PLCD1: variants seen among roughly 807,000 people sequenced by gnomAD.
PLCD1 encodes 1-phosphatidylinositol 4,5-bisphosphate phosphodiesterase delta-1.
PLCD1 carries 71 observed loss-of-function variants against 87.4 expected under a neutral mutation model. The observed-to-expected ratio is 0.81, with a 90% CI of 0.67 to 0.99. PLCD1 has a LOEUF of 0.99. Ranked by LOEUF, PLCD1 falls within the 50% of genes least tolerant of loss-of-function variation. PLCD1 has a pLI of 0.00. For missense variants in PLCD1, 867 were observed against 1,001.5 expected (o/e 0.87, Z 1.81); for synonymous variants, 348 against 399.2 (o/e 0.87, Z 1.53).
chr3:38,022,953 GTGAT>G (rs1315596443), intron 1 of PLCD1, among the ~76,000 whole-genome samples: 13 of 148,038 alleles, frequency 8.8e-5, no homozygotes, highest in Non-Finnish European at 1.8e-4. Flanking sequence ...AGCAAAAACT[GTGAT>G]TACTTTTGCA....
rs781101616 is a variant in PLCD1 at position 38,009,221 on chromosome 3, G to A, written c.1606+51C>T. The A allele has an allele frequency of 1.9e-6, 3 of 1,612,832 alleles. No homozygotes were observed. The South Asian group carries it at 3.3e-5, about 18-fold the overall frequency. On this transcript the variant is annotated intron_variant, in intron 10 of 14. Coordinates refer to ENST00000334661, the MANE Select transcript of PLCD1 (RefSeq NM_006225.4). ...CCTGGTGAGGCCCAAGCCCTGCCCTGCCAATTCTCTCTGTAACAGAGCAGG... is the reference window on the plus strand; with the variant it reads ...CCTGGTGAGGCCCAAGCCCTGCCCTACCAATTCTCTCTGTAACAGAGCAGG...
In PLCD1 at chr3:38,009,164, GGGA is replaced by G; in HGVS notation, c.1607-9_1607-7del. ...GTGGCGGACAAAGCCGTTTCCTGAG[GGGA>G]GGTGTGGTTCGGTCAGCAGTGGAGG... On this transcript the variant is annotated splice_region_variant and splice_polypyrimidine_tract_variant and intron_variant, in intron 10 of 14. Coordinates refer to ENST00000334661, the MANE Select transcript of PLCD1 (RefSeq NM_006225.4). 6.2e-7 allele frequency: 1 copy of G among 1,613,998 alleles called. No individual in the cohort carries two copies. The highest frequency in any genetic ancestry group is 8.5e-7 in the Non-Finnish European group (1 of 1,179,838).
Position 38,008,042 on chromosome 3 carries a change from ACT to A in PLCD1, c.2155_2156del (p.Ser719TyrfsTer19), listed in dbSNP as rs768147147. ...ASSKNDFIGQSTIPLNSLKQG... is the reference protein window; with the variant it reads ...ASSKNDFIGQXTIPLNSLKQG... Reference sequence around the variant, plus strand: ...GCTTGAGGCTGTTCAAGGGGATGGTACTCTGGCCAATGAAGTCATTCTTGGAG... The same window carrying A: ...GCTTGAGGCTGTTCAAGGGGATGGTACTGGCCAATGAAGTCATTCTTGGAG... On this transcript the variant is annotated frameshift_variant, in exon 14 of 15. Transcript: ENST00000334661. LOFTEE classifies it high-confidence loss of function. 2 of 1,614,078 alleles carry A rather than the reference ACT, an allele frequency of 1.2e-6. No homozygotes were observed. Among genetic ancestry groups the A allele is most frequent in the East Asian group, 4.5e-5 (2 of 44,874 alleles).
chr3:38,007,642 A>G lies in PLCD1; in HGVS notation c.*131T>C, dbSNP rs1172184331. ...CCCCAGGGAGGCAGCAGCAGACACT[A>G]TGTTAGGGCTGAAGGCAATTTGGGG... On this transcript the variant is annotated 3_prime_UTR_variant, in exon 15 of 15. Coordinates refer to ENST00000334661, the MANE Select transcript of PLCD1 (RefSeq NM_006225.4). 8.1e-6 allele frequency: 6 copies of G among 739,724 alleles called. No homozygotes were observed. The highest frequency in any genetic ancestry group is 3.5e-4 in the Middle Eastern group (1 of 2,870). 45.8% of individuals were successfully genotyped at this position (739,724 alleles called of 1,614,324 possible). A position where few individuals can be genotyped will look rare whatever the true frequency, so the allele number is the denominator to read the frequency against.
At chr3:38,014,068 AAAG>A (rs1454375829) in intron 3 of PLCD1, among the ~76,000 whole-genome samples, 2 of 152,258 alleles carry the variant, frequency 1.3e-5, no homozygotes, top group Non-Finnish European at 2.9e-5. Context: ...AAAAAAAATG[AAAG>A]AAGACATAAA....
intron 3 of PLCD1, among the ~76,000 whole-genome samples, 167 bp from the exon 4 acceptor site, chr3:38,011,840 G>T (rs1483785606): frequency 8.0e-6 from 1 of 124,800 alleles, no homozygotes; most frequent in East Asian, 2.1e-4. Context: ...ATGTTAAGGG[G>T]TCTTTTTCTA....
intron 3 of PLCD1, among the ~76,000 whole-genome samples, chr3:38,014,382 A>G (rs1700124919): frequency 6.6e-6 from 1 of 152,224 alleles, no homozygotes; most frequent in Non-Finnish European, 1.5e-5. Flanking sequence ...ACAGACATAT[A>G]GACAAACAGA....
In PLCD1 at chr3:38,009,727, C is replaced by T. The variant is rs144744014; in HGVS notation, c.1372G>A (p.Val458Met). ...PGGEGGPEAT[V>M]VSDEDEAAEM... The stretch of plus-strand genomic sequence containing the variant: ...GCAGCCTCGTCTTCGTCTGACACCA[C>T]AGTGGCCTCAGGGCCACCCTCCCCT... Residue 458 changes from valine to methionine, a missense_variant, in exon 9 of 15, where the codon GTG becomes ATG. By Grantham distance (21) the Val-to-Met change is conservative. Transcript: ENST00000334661. The T allele has an allele frequency of 6.2e-7, 1 of 1,614,172 alleles. No individual in the cohort carries two copies. Among genetic ancestry groups the T allele is most frequent in the Non-Finnish European group, 8.5e-7 (1 of 1,180,008 alleles).
At chr3:38,024,949 C>A (rs1384840204) in intron 1 of PLCD1, among the ~76,000 whole-genome samples, 1 of 152,014 alleles carries the variant, frequency 6.6e-6, no homozygotes, top group Non-Finnish European at 1.5e-5. Flanking sequence ...GGTGCCGGGC[C>A]CCGCGGAGGC....
Position 38,016,693 on chromosome 3 carries a change from G to A in PLCD1, c.226C>T (p.Arg76Ter), listed in dbSNP as rs1335830144. The change falls in exon 3 of 15, where the codon CGA (arginine) becomes TGA (stop). Residue 76 changes from arginine (R) to a stop codon, truncating the protein, a stop_gained. Coordinates refer to ENST00000334661, the MANE Select transcript of PLCD1 (RefSeq NM_006225.4). LOFTEE classifies it high-confidence loss of function. Reference protein sequence around the residue: ...LFSIEDIQEVRMGHRTEGLEK... With the variant: ...LFSIEDIQEV Reference sequence around the variant, plus strand: ...AGACCCTCCGTGCGGTGCCCCATTCGCACCTCCTGAATGTCCTCGATGGAG... The same window carrying A: ...AGACCCTCCGTGCGGTGCCCCATTCACACCTCCTGAATGTCCTCGATGGAG... 5 of 1,565,992 alleles carry A rather than the reference G, an allele frequency of 3.2e-6. No homozygotes were observed. Among genetic ancestry groups the A allele is most frequent in the African/African-American group, 1.4e-5 (1 of 74,054 alleles).
intron 1 of PLCD1, among the ~76,000 whole-genome samples, chr3:38,027,300 G>T (rs899479085): frequency 6.6e-6 from 1 of 152,220 alleles, no homozygotes; most frequent in African/African-American, 2.4e-5. Flanking sequence ...GAAATTTGGG[G>T]AGGGGGCCTC....
In PLCD1 at chr3:38,029,575, G is replaced by C. The variant is rs1401535124; in HGVS notation, c.-36C>G. The C allele has an allele frequency of 2.0e-6, 3 of 1,533,484 alleles. No homozygotes were observed. Among genetic ancestry groups the C allele is most frequent in the Non-Finnish European group, 2.6e-6 (3 of 1,144,306 alleles). 95.0% of individuals were successfully genotyped at this position (1,533,484 alleles called of 1,614,324 possible). On this transcript the variant is annotated 5_prime_UTR_variant, in exon 1 of 15. Transcript: ENST00000334661. ...CGGCGCGGCGGGAGGGGCACCGCGG[G>C]ACTCACTTGAGTAGCGACAGCACCG...
rs769283380 is a variant in PLCD1, at chr3:38,010,196, A to G, written c.1072T>C (p.Tyr358His). Reference protein sequence around the residue: ...PNQEPIIYHGYTFTSKILFCD... With the variant: ...PNQEPIIYHGHTFTSKILFCD... ...AAGAGGATCTTGGAAGTGAAAGTAT[A>G]GCCGTGGTAGATGATTGGTTCCTGG... Residue 358 changes from tyrosine (Y) to histidine (H), a missense_variant, in exon 7 of 15, where the codon TAT becomes CAT. Coordinates refer to ENST00000334661, the MANE Select transcript of PLCD1 (RefSeq NM_006225.4). 1.7e-5 allele frequency: 28 copies of G among 1,614,214 alleles called. No homozygotes were observed. Among genetic ancestry groups the G allele is most frequent in the Non-Finnish European group, 2.4e-5 (28 of 1,180,022 alleles).
In PLCD1 at chr3:38,009,402, G is replaced by A; in HGVS notation, c.1476C>T (p.Leu492=). 3.1e-6 allele frequency: 5 copies of A among 1,614,228 alleles called. No homozygotes were observed. The highest frequency in any genetic ancestry group is 3.4e-6 in the Non-Finnish European group (4 of 1,180,040). ...KEDKLRLAQE[L]SDMVIYCKSV... ...TCTTGCAGTAAATGACCATGTCAGA[G>A]AGCTCCTGTGCTAGCCTGAGCTTGT... is the stretch of plus-strand genomic sequence containing the variant. The change falls in exon 10 of 15, where the codon CTC becomes CTT. Residue 492 remains leucine, a synonymous_variant. Coordinates refer to ENST00000334661, the MANE Select transcript of PLCD1 (RefSeq NM_006225.4).
In PLCD1 at chr3:38,028,403, A is replaced by G. The variant is rs544461868; in HGVS notation, c.34+1103T>C. Among the ~76,000 whole-genome samples, 10 of 152,346 alleles carry G rather than the reference A, an allele frequency of 6.6e-5. No homozygotes were observed. In the South Asian group the frequency reaches 2.1e-3, roughly 32 times the overall value. On this transcript the variant is annotated intron_variant, in intron 1 of 14. Coordinates refer to ENST00000334661, the MANE Select transcript of PLCD1 (RefSeq NM_006225.4). ...AGGACCAGGTCTGTGCCAACTGCAG[A>G]ACACGAGATAGACTGGAGGCTGGCT... is the stretch of plus-strand genomic sequence containing the variant.
chr3:38,011,171 C>T (rs774030050), intron 5 of PLCD1, 43 bp downstream of exon 5: 27 of 1,471,666 alleles, frequency 1.8e-5, no homozygotes, highest in Admixed American at 3.4e-5. Context: ...CAGCCCAGTG[C>T]GGCCCTGCGA....
chr3:38,022,341 A>G (rs937777240), intron 1 of PLCD1, among the ~76,000 whole-genome samples: 1 of 152,210 alleles, frequency 6.6e-6, no homozygotes, highest in Non-Finnish European at 1.5e-5. Flanking sequence ...CCAGGCTGCC[A>G]GAGGACAGGG....
chr3:38,016,521 C>G lies in PLCD1; in HGVS notation c.398G>C (p.Gly133Ala). Residue 133 changes from glycine (G) to alanine (A), a missense_variant, in exon 3 of 15, where the codon GGC (glycine) becomes GCC (alanine). Transcript: ENST00000334661. ...TAGCTTCTGACGCTGGTCCATGGAG[C>G]CTGAGTGGTGGATGATCTTGTGCAG... Reference protein sequence around the residue: ...LGLHKIIHHSGSMDQRQKLQH... With the variant: ...LGLHKIIHHSASMDQRQKLQH... The G allele has an allele frequency of 3.1e-6, 5 of 1,613,800 alleles. No individual in the cohort carries two copies. The highest frequency in any genetic ancestry group is 2.5e-6 in the Non-Finnish European group (3 of 1,179,748).
chr3:38,021,588 G>T (rs1335120175), intron 1 of PLCD1, among the ~76,000 whole-genome samples: 2 of 152,148 alleles, frequency 1.3e-5, no homozygotes, highest in Non-Finnish European at 2.9e-5. Context: ...GTGTAATACA[G>T]AAACATCTAT....
Sources: gnomAD v4.1 joint callset for allele counts (sites outside exome capture counted in the v4.1 genomes callset) on GRCh38, gnomAD v4.1.1 for gene constraint, MANE v1.5 for transcripts, NCBI Gene and HGNC (gene_info 2026-07-23, HGNC 2026-07-21) for gene names.